Variants in KCNAB1 observed in about 807,000 individuals in gnomAD.
The protein encoded by KCNAB1 is voltage-gated potassium channel subunit beta-1.
Under a neutral mutation model 64.6 loss-of-function variants are expected in KCNAB1, and 35 were observed. The observed-to-expected ratio is 0.54, with a 90% CI of 0.41 to 0.72. KCNAB1 has a LOEUF of 0.72. KCNAB1 is among the 30% of genes least tolerant of loss of function. The pLI is 0.00. For synonymous variants in KCNAB1, 177 were observed against 183.8 expected, an observed-to-expected ratio of 0.96 and a Z score of 0.30; for missense variants, 401 against 512.9, an observed-to-expected ratio of 0.78 and a Z score of 2.11.
At chr3:156,370,820 G>A (rs1726253704) in intron 1 of KCNAB1, among the ~76,000 whole-genome samples, 1 of 152,226 alleles carries the variant, frequency 6.6e-6, no homozygotes. Flanking sequence ...ATACAGGGGA[G>A]AGATTCCGTG....
At chr3:156,180,677 T>C (rs1712745318) in intron 1 of KCNAB1, among the ~76,000 whole-genome samples, 1 of 152,148 alleles carries the variant, frequency 6.6e-6, no homozygotes. Flanking sequence ...CTGAGTTAGA[T>C]GCAATGATGA....
At chr3:156,224,135 C>G (rs1330543766) in intron 1 of KCNAB1, among the ~76,000 whole-genome samples, 1 of 152,234 alleles carries the variant, frequency 6.6e-6, no homozygotes, top group Non-Finnish European at 1.5e-5. Flanking sequence ...GCTGGGGGAC[C>G]CGGCACACCC....
chr3:156,374,207 A>C (rs758233221), intron 1 of KCNAB1, among the ~76,000 whole-genome samples: 27 of 152,190 alleles, frequency 1.8e-4, no homozygotes, highest in Non-Finnish European at 3.5e-4. Context: ...AACTCACTTA[A>C]CCTCTCTAGG....
rs116384224 is a variant in KCNAB1, at chr3:156,162,901, A to T, written c.275+42015A>T. ...GACACTTGTTTTGGACAAAAATAAG[A>T]TCAGAAAAGCAAGGGAAACCATTTC... On this transcript the variant is annotated intron_variant, in intron 1 of 13. Coordinates refer to ENST00000490337, the MANE Select transcript of KCNAB1 (RefSeq NM_172160.3). Among the ~76,000 whole-genome samples the T allele has an allele frequency of 4.7e-3, 714 of 152,306 alleles. 6 individuals carry two copies. The highest frequency in any genetic ancestry group is 0.016 in the African/African-American group (685 of 41,560).
chr3:156,496,403 A>G (rs1199018611), intron 8 of KCNAB1, among the ~76,000 whole-genome samples: 1 of 152,024 alleles, frequency 6.6e-6, no homozygotes, highest in African/African-American at 2.4e-5. Context: ...ATGGTTTTAT[A>G]AAAGGCAGTT....
intron 1 of KCNAB1, among the ~76,000 whole-genome samples, chr3:156,360,155 A>G (rs985597169): frequency 2.6e-5 from 4 of 152,256 alleles, no homozygotes; most frequent in African/African-American, 9.6e-5. Flanking sequence ...TAAAAACAGT[A>G]TATTACCATA....
At chr3:156,283,125 A>G (rs1256168536) in intron 1 of KCNAB1, among the ~76,000 whole-genome samples, 1 of 151,842 alleles carries the variant, frequency 6.6e-6, no homozygotes, top group African/African-American at 2.4e-5. Context: ...TTCCATGTTT[A>G]GTGCTTCCTT....
intron 12 of KCNAB1, 114 bp downstream of exon 12, chr3:156,524,061 C>T: frequency 1.9e-6 from 2 of 1,037,374 alleles, no homozygotes; most frequent in Non-Finnish European, 2.7e-6. Flanking sequence ...GACAGATGAT[C>T]TCTGAAGCAT....
chr3:156,292,686 C>T lies in KCNAB1; in HGVS notation c.276-128930C>T, dbSNP rs1560178692. On this transcript the variant is annotated intron_variant, in intron 1 of 13. Transcript: ENST00000490337. Reference sequence around the variant, plus strand: ...CCTCCTGAGTAGCTGGAATTACAGGCACCTGCCACCACACCCGGCTCATTT... The same window carrying T: ...CCTCCTGAGTAGCTGGAATTACAGGTACCTGCCACCACACCCGGCTCATTT... Among the ~76,000 whole-genome samples the T allele has an allele frequency of 3.3e-5, 5 of 152,148 alleles. No individual in the cohort carries two copies. The South Asian group carries it at 1.0e-3, about 32-fold the overall frequency.
rs2108439409 is a variant in KCNAB1 at position 156,538,567 on chromosome 3, TG to T, written c.*1821del. 6.6e-6 allele frequency: 1 copy of T among 152,366 alleles called. No homozygotes were observed. The highest frequency in any genetic ancestry group is 2.1e-4 in the South Asian group (1 of 4,830). 9.4% of individuals were successfully genotyped at this position (152,366 alleles called of 1,614,324 possible). On this transcript the variant is annotated 3_prime_UTR_variant, in exon 14 of 14. Transcript: ENST00000490337. ...GGAAATGTGATTTGATTGATTTATTTGCTTAGAGTAATAAAAGCATTTTGTG... is the reference window on the plus strand; with the variant it reads ...GGAAATGTGATTTGATTGATTTATTTCTTAGAGTAATAAAAGCATTTTGTG...
At chr3:156,147,619 A>G (rs1027910384) in intron 1 of KCNAB1, among the ~76,000 whole-genome samples, 3 of 152,170 alleles carry the variant, frequency 2.0e-5, no homozygotes, top group African/African-American at 7.2e-5. Context: ...AATAAGTGTT[A>G]TTTGCCAATC....
intron 1 of KCNAB1, among the ~76,000 whole-genome samples, chr3:156,307,342 T>G (rs1721561786): frequency 7.0e-6 from 1 of 142,358 alleles, no homozygotes; most frequent in Non-Finnish European, 1.5e-5. Context: ...AACCAGGAAC[T>G]TCTTAAGTTT....
At chr3:156,238,204 C>T (rs987967034) in intron 1 of KCNAB1, among the ~76,000 whole-genome samples, 2 of 152,010 alleles carry the variant, frequency 1.3e-5, no homozygotes, top group African/African-American at 4.8e-5. Context: ...CGGCGGATCA[C>T]GAGGTCAGGA....
chr3:156,438,412 T>C (rs1317624354), intron 2 of KCNAB1, among the ~76,000 whole-genome samples: 2 of 152,270 alleles, frequency 1.3e-5, no homozygotes, highest in Non-Finnish European at 2.9e-5. Context: ...AATGTTTTAG[T>C]CTATTCATCA....
rs574784817 is a variant in KCNAB1, at chr3:156,401,825, G to A, written c.276-19791G>A. Among the ~76,000 whole-genome samples, 38 of 151,554 alleles carry A rather than the reference G, an allele frequency of 2.5e-4. No homozygotes were observed. In the East Asian group the frequency reaches 5.2e-3, roughly 21 times the overall value. On this transcript the variant is annotated intron_variant, in intron 1 of 13. Coordinates refer to ENST00000490337, the MANE Select transcript of KCNAB1 (RefSeq NM_172160.3). ...TGTAAAAGAATGATTGCCTGGCAAGGCAGCATTAAGAGAAAAGGTCAAATT... is the reference window on the plus strand; with the variant it reads ...TGTAAAAGAATGATTGCCTGGCAAGACAGCATTAAGAGAAAAGGTCAAATT...
At chr3:156,392,481 T>C in intron 1 of KCNAB1, among the ~76,000 whole-genome samples, 1 of 152,256 alleles carries the variant, frequency 6.6e-6, no homozygotes, top group East Asian at 1.9e-4. Context: ...ATGCTTATGC[T>C]TTCTACTCCT....
intron 1 of KCNAB1, among the ~76,000 whole-genome samples, chr3:156,129,150 C>T (rs1005328043): frequency 1.3e-5 from 2 of 152,038 alleles, no homozygotes; most frequent in South Asian, 2.1e-4. Context: ...TTTTGTCAGT[C>T]GTTGATTTTT....
chr3:156,203,249 G>C (rs1714456386), intron 1 of KCNAB1, among the ~76,000 whole-genome samples: 1 of 152,170 alleles, frequency 6.6e-6, no homozygotes, highest in Non-Finnish European at 1.5e-5. Flanking sequence ...AATAGAGATT[G>C]TATGGTACAC....
chr3:156,534,847 T>C (rs897605770), intron 13 of KCNAB1, among the ~76,000 whole-genome samples: 1 of 152,174 alleles, frequency 6.6e-6, no homozygotes, highest in East Asian at 1.9e-4. Flanking sequence ...TGTTTCAAAG[T>C]GGGGCTTCTC....
Sources: gnomAD v4.1 joint callset for allele counts (sites outside exome capture counted in the v4.1 genomes callset) on GRCh38, gnomAD v4.1.1 for gene constraint, MANE v1.5 for transcripts, NCBI Gene and HGNC (gene_info 2026-07-23, HGNC 2026-07-21) for gene names.